Variants in UNC13C observed in about 807,000 individuals in gnomAD.
The protein encoded by UNC13C is unc-13 homolog C.
In UNC13C, 174 loss-of-function variants were observed where a neutral mutation model predicts 245.4. That is an observed-to-expected ratio of 0.71 (90% CI 0.63 to 0.80). UNC13C has a LOEUF of 0.80. UNC13C is among the 30% of genes least tolerant of loss of function. The pLI, the probability that UNC13C is intolerant of heterozygous loss-of-function variation, is 0.00. For missense variants in UNC13C, 2,829 were observed against 2,602.9 expected (o/e 1.09, Z -1.89); for synonymous variants, 992 against 895.1 (o/e 1.11, Z -1.93).
At chr15:54,170,868 C>T (rs2033372763) in intron 4 of UNC13C, among the ~76,000 whole-genome samples, 1 of 152,068 alleles carries the variant, frequency 6.6e-6, no homozygotes, top group African/African-American at 2.4e-5. Flanking sequence ...AGAATGTCTG[C>T]CTAAAGGTAT....
intron 18 of UNC13C, among the ~76,000 whole-genome samples, chr15:54,410,138 A>T (rs1478596152): frequency 6.6e-6 from 1 of 152,206 alleles, no homozygotes; most frequent in African/African-American, 2.4e-5. Context: ...AACATCAAGA[A>T]TTTTTTCACA....
intron 17 of UNC13C, among the ~76,000 whole-genome samples, chr15:54,359,225 GC>G (rs2140859994): frequency 6.6e-6 from 1 of 151,838 alleles, no homozygotes; most frequent in Admixed American, 6.6e-5. Context: ...AATTTGTTTT[GC>G]TAGTGTTGAG....
chr15:54,215,053 C>A (rs1315653015), intron 4 of UNC13C, among the ~76,000 whole-genome samples: 2 of 151,774 alleles, frequency 1.3e-5, no homozygotes, highest in African/African-American at 4.8e-5. Context: ...TTTAGGTACA[C>A]AGAACATTAT....
chr15:54,428,558 G>C (rs902114837), intron 19 of UNC13C, among the ~76,000 whole-genome samples: 1 of 151,524 alleles, frequency 6.6e-6, no homozygotes, highest in Admixed American at 6.6e-5. Context: ...TGATATACTT[G>C]TTTATTGCCT....
At chr15:54,243,140 C>G (rs1596071619) in intron 7 of UNC13C, among the ~76,000 whole-genome samples, 1 of 150,346 alleles carries the variant, frequency 6.7e-6, no homozygotes, top group South Asian at 2.1e-4. Flanking sequence ...CTCCTCCCAC[C>G]CCCACCCCGA....
chr15:54,006,991 T>C (rs1895168358), intron 1 of UNC13C, among the ~76,000 whole-genome samples: 1 of 152,228 alleles, frequency 6.6e-6, no homozygotes, highest in African/African-American at 2.4e-5. Context: ...TCTGCCCTCC[T>C]ACCTGATGGG....
At chr15:54,115,038 T>C (rs746855824) in intron 2 of UNC13C, among the ~76,000 whole-genome samples, 2 of 152,124 alleles carry the variant, frequency 1.3e-5, no homozygotes, top group Non-Finnish European at 2.9e-5. Flanking sequence ...TCTTTTATTA[T>C]AGATGCCAAT....
At chr15:54,501,339 A>G (rs1417520262) in intron 22 of UNC13C, among the ~76,000 whole-genome samples, 2 of 152,166 alleles carry the variant, frequency 1.3e-5, no homozygotes, top group African/African-American at 4.8e-5. Context: ...ACATTGTAGT[A>G]TAGTGCAATG....
the UNC13C span, among the ~76,000 whole-genome samples, chr15:53,876,296 A>G: frequency 4.6e-5 from 7 of 152,262 alleles, no homozygotes; most frequent in East Asian, 1.2e-3. Flanking sequence ...CCAAACTTCC[A>G]TTATATTTCA....
chr15:53,900,010 T>A, the UNC13C span, among the ~76,000 whole-genome samples: 1 of 152,212 alleles, frequency 6.6e-6, no homozygotes, highest in Non-Finnish European at 1.5e-5. Context: ...TTTTATATTG[T>A]CATCAGATTA....
chr15:54,145,765 C>T (rs1028660539), intron 4 of UNC13C, among the ~76,000 whole-genome samples: 14 of 152,208 alleles, frequency 9.2e-5, no homozygotes, highest in Non-Finnish European at 1.6e-4. Flanking sequence ...CACCTCCCTT[C>T]GCCTACAGCA....
At chr15:54,210,862 A>G (rs1424212875) in intron 4 of UNC13C, among the ~76,000 whole-genome samples, 1 of 152,102 alleles carries the variant, frequency 6.6e-6, no homozygotes, top group Non-Finnish European at 1.5e-5. Flanking sequence ...GCCTTTGTGG[A>G]TGCAGGACAC....
chr15:54,165,844 C>T (rs2033144918), intron 4 of UNC13C, among the ~76,000 whole-genome samples: 2 of 151,224 alleles, frequency 1.3e-5, no homozygotes, highest in East Asian at 1.9e-4. Context: ...CTTTTTTTCT[C>T]CCTCCCTCCC....
At chr15:54,237,296 A>G (rs1203295545) in intron 6 of UNC13C, among the ~76,000 whole-genome samples, 1 of 152,170 alleles carries the variant, frequency 6.6e-6, no homozygotes, top group Admixed American at 6.5e-5. Context: ...TTGAGGAATA[A>G]GAAAGTTTGA....
At chr15:54,208,197 A>T (rs1463711966) in intron 4 of UNC13C, among the ~76,000 whole-genome samples, 4 of 152,036 alleles carry the variant, frequency 2.6e-5, no homozygotes, top group African/African-American at 9.7e-5. Flanking sequence ...AGCTCACATG[A>T]ACTCAGAGCA....
At chr15:54,460,870 C>T (rs1031676383) in intron 19 of UNC13C, among the ~76,000 whole-genome samples, 1 of 152,178 alleles carries the variant, frequency 6.6e-6, no homozygotes, top group African/African-American at 2.4e-5. Flanking sequence ...CCATTTTCCT[C>T]TCAAGTCTAG....
At chr15:54,554,098 A>G (rs536226966) in intron 28 of UNC13C, among the ~76,000 whole-genome samples, 1 of 152,150 alleles carries the variant, frequency 6.6e-6, no homozygotes, top group Admixed American at 6.6e-5. Flanking sequence ...TCCAAAGACA[A>G]TGATTCTATT....
chr15:54,204,825 G>T (rs553041680), intron 4 of UNC13C, among the ~76,000 whole-genome samples: 1 of 151,960 alleles, frequency 6.6e-6, no homozygotes, highest in African/African-American at 2.4e-5. Flanking sequence ...ATTTGGGAAA[G>T]TCGACAGTAT....
In UNC13C at chr15:54,014,779, G is replaced by A. The variant is rs780885996; in HGVS notation, c.1876G>A (p.Asp626Asn). 9 of 1,613,760 alleles carry A rather than the reference G, an allele frequency of 5.6e-6. No individual in the cohort carries two copies. The African/African-American group carries it at 1.2e-4, about 22-fold the overall frequency. Residue 626 changes from aspartate (D) to asparagine (N), a missense_variant, in exon 2 of 33, where the codon GAT (aspartate) becomes AAT (asparagine). Transcript: ENST00000260323. ...QTETENTETV[D>N]SGMSNGMVCA... is the part of the protein sequence containing the mutation. The stretch of plus-strand genomic sequence containing the variant: ...TGAAACTGAAAACACAGAAACTGTG[G>A]ATAGTGGAATGAGTAATGGCATGGT...
Sources: gnomAD v4.1 joint callset for allele counts (sites outside exome capture counted in the v4.1 genomes callset) on GRCh38, gnomAD v4.1.1 for gene constraint, MANE v1.5 for transcripts, NCBI Gene and HGNC (gene_info 2026-07-23, HGNC 2026-07-21) for gene names.